The following WRAP73 variants were observed in gnomAD, a reference collection of about 807,000 sequenced individuals.
WRAP73 encodes WD repeat-containing protein WRAP73.
A neutral mutation model predicts 59.6 loss-of-function variants in WRAP73; 55 were observed. That is an observed-to-expected ratio of 0.92 (90% CI 0.74 to 1.15). The LOEUF is 1.15. WRAP73 is among the 50% of genes most tolerant of loss of function. The pLI is 0.00. For synonymous variants in WRAP73, 265 were observed against 258.2 expected (o/e 1.03, Z -0.25); for missense variants, 592 against 608.1 (o/e 0.97, Z 0.28).
intron 8 of WRAP73, chr1:3,634,707 G>A: frequency 2.2e-6 from 1 of 452,316 alleles, no homozygotes; most frequent in Non-Finnish European, 4.1e-6. Context: ...ACTCTGTACA[G>A]CACAGGGATC....
At chr1:3,637,211 G>T in intron 4 of WRAP73, 113 bp from the exon 5 acceptor site, 1 of 927,824 alleles carries the variant, frequency 1.1e-6, no homozygotes, top group Non-Finnish European at 1.7e-6. Flanking sequence ...GTGAAAAGAA[G>T]GGAAATGGCA....
In WRAP73 at chr1:3,639,839, G is replaced by C. The variant is rs564296599; in HGVS notation, c.340-1017C>G. 1.3e-5 allele frequency among the ~76,000 whole-genome samples: 2 copies of C among 151,964 alleles called. No individual in the cohort carries two copies. The highest frequency in any genetic ancestry group is 2.9e-5 in the Non-Finnish European group (2 of 68,002). ...GGGTGGGGTGCTGACTGCCAGCTCC[G>C]TGTGTGTCAGGCAGGGGTCCTCGCT... is the stretch of plus-strand genomic sequence containing the variant. On this transcript the variant is annotated intron_variant, in intron 3 of 11. Coordinates refer to ENST00000270708, the MANE Select transcript of WRAP73 (RefSeq NM_017818.4). This position sits in a 1 kb window ranked among gnomAD's most constrained non-coding sequence, Gnocchi z 4.3.
chr1:3,638,931 A>G, intron 3 of WRAP73, 109 bp from the exon 4 acceptor site: 1 of 1,225,316 alleles, frequency 8.2e-7, no homozygotes, highest in Non-Finnish European at 1.2e-6. Flanking sequence ...TGACTGCTGG[A>G]GTGGATCTAT....
intron 5 of WRAP73, chr1:3,636,351 C>T: frequency 2.7e-6 from 1 of 369,500 alleles, no homozygotes. Flanking sequence ...CGCGCCTGCA[C>T]TCGTGTGCAC....
At chr1:3,634,692 TG>T in intron 8 of WRAP73, 1 of 393,792 alleles carries the variant, frequency 2.5e-6, no homozygotes, top group Non-Finnish European at 4.8e-6. Flanking sequence ...CAGGAGACCC[TG>T]GCCACTCTGT....
Position 3,645,547 on chromosome 1 carries a change from G to A in WRAP73, c.339+1119C>T, listed in dbSNP as rs182202380. Among the ~76,000 whole-genome samples the A allele has an allele frequency of 2.0e-5, 3 of 152,030 alleles. No individual in the cohort carries two copies. The East Asian group carries it at 5.8e-4, about 29-fold the overall frequency. On this transcript the variant is annotated intron_variant, in intron 3 of 11. Transcript: ENST00000270708. ...CGTGGTGTGCGCGGCGCAGCGGGAT[G>A]GGCGGGTTACCGAGGTGCAGCCAGC...
In WRAP73 at chr1:3,647,553, C is replaced by T. The variant is rs1333925593; in HGVS notation, c.77G>A (p.Cys26Tyr). Residue 26 changes from cysteine to tyrosine, a missense_variant, in exon 2 of 12, where the codon TGT becomes TAT. Coordinates refer to ENST00000270708, the MANE Select transcript of WRAP73 (RefSeq NM_017818.4). The part of the protein sequence containing the change: ...FSPDGKYLAS[C>Y]VQYRLVVRDV... The stretch of plus-strand genomic sequence containing the variant: ...CCGGACCACTAACCGGTACTGGACA[C>T]AGGAAGCCTAAAAAATATGAGAAAG... 3.1e-6 allele frequency: 5 copies of T among 1,608,390 alleles called. No homozygotes were observed. The East Asian group carries it at 1.1e-4, about 36-fold the overall frequency.
At chr1:3,633,718 C>T (rs1644562424) in intron 8 of WRAP73, 3 of 525,454 alleles carry the variant, frequency 5.7e-6, no homozygotes, top group Non-Finnish European at 1.0e-5. Flanking sequence ...AGGAGCCCAC[C>T]CTTTGAGACA....
chr1:3,634,894 C>G lies in WRAP73; in HGVS notation c.816+103G>C, dbSNP rs941895866. 5.2e-6 allele frequency: 7 copies of G among 1,348,774 alleles called. No individual in the cohort carries two copies. The South Asian group carries it at 5.9e-5, about 11-fold the overall frequency. The allele number at this position is 1,348,774 out of a possible 1,614,324, so 83.6% of individuals were successfully genotyped here. ...GCAAGTTTACGGTGATGGAAGTGCC[C>G]GGTTAAATAATAAACCACAATCAAG... On this transcript the variant is annotated intron_variant, in intron 8 of 11. Coordinates refer to ENST00000270708, the MANE Select transcript of WRAP73 (RefSeq NM_017818.4).
In WRAP73 at chr1:3,630,821, CCATA is replaced by C. The variant is rs2101949375; in HGVS notation, c.*150_*153del. 3 of 915,760 alleles carry C rather than the reference CCATA, an allele frequency of 3.3e-6. No homozygotes were observed. The highest frequency in any genetic ancestry group is 4.9e-6 in the Non-Finnish European group (3 of 609,844). The allele number at this position is 915,760 out of a possible 1,614,324, so 56.7% of individuals were successfully genotyped here. On this transcript the variant is annotated 3_prime_UTR_variant, in exon 12 of 12. Transcript: ENST00000270708. ...TAAATAATAAAACTACAGTTTTATA[CCATA>C]CATATTTACAAAAATGCTTTGCTAT... is the stretch of plus-strand genomic sequence containing the variant.
chr1:3,632,831 GTCCTGACCCCCA>G (rs1644551479), intron 9 of WRAP73: 1 of 238,704 alleles, frequency 4.2e-6, no homozygotes, highest in Non-Finnish European at 8.3e-6. Context: ...GGCTGCACCT[GTCCTGACCCCCA>G]TCCTGAGCAC....
At chr1:3,640,085 G>T (rs576654048) in intron 3 of WRAP73, among the ~76,000 whole-genome samples, 1 of 152,206 alleles carries the variant, frequency 6.6e-6, no homozygotes, top group South Asian at 2.1e-4. Context: ...CATATACAGC[G>T]TTCAGGAGAG....
chr1:3,641,605 A>AGCACAAGGG (rs1430529735), intron 3 of WRAP73, among the ~76,000 whole-genome samples: 1 of 149,884 alleles, frequency 6.7e-6, no homozygotes, highest in Non-Finnish European at 1.5e-5. Context: ...AGACGGACTG[A>AGCACAAGGG]GCACAAGGGG....
Position 3,650,017 on chromosome 1 carries a change from G to A in WRAP73, c.-18C>T, listed in dbSNP as rs1266074420. 3.2e-6 allele frequency: 5 copies of A among 1,584,322 alleles called. No homozygotes were observed. Among genetic ancestry groups the A allele is most frequent in the Non-Finnish European group, 3.4e-6 (4 of 1,167,798 alleles). On this transcript the variant is annotated 5_prime_UTR_variant, in exon 1 of 12. Transcript: ENST00000270708. ...AAGTTCATGGCCGCCGCCTGCCGCG[G>A]GCGCCACCCTGCGCCCGAAAACCCG...
In WRAP73 at chr1:3,646,338, T is replaced by C. The variant is rs574236432; in HGVS notation, c.339+328A>G. Among the ~76,000 whole-genome samples, 82 of 152,382 alleles carry C rather than the reference T, an allele frequency of 5.4e-4. 1 individual carries two copies. In the South Asian group the frequency reaches 0.016, roughly 30 times the overall value. On this transcript the variant is annotated intron_variant, in intron 3 of 11. Transcript: ENST00000270708. This position sits in a 1 kb window ranked among gnomAD's most constrained non-coding sequence, Gnocchi z 5.1. ...AAGAAAAAATCCTATGCTGAGGTTG[T>C]TGCTCAGATCTTCAGTAAGACCAAA...
chr1:3,646,426 TA>T lies in WRAP73; in HGVS notation c.339+239del, dbSNP rs756052117. Reference sequence around the variant, plus strand: ...CCTTGTTCTATACTATGATTGTTGCTAATCTCTTACTGTATCTAATTTATAA... The same window carrying T: ...CCTTGTTCTATACTATGATTGTTGCTATCTCTTACTGTATCTAATTTATAA... On this transcript the variant is annotated intron_variant, in intron 3 of 11. Transcript: ENST00000270708. The surrounding 1 kb of genome is among the most constrained non-coding windows in gnomAD (Gnocchi z 5.1). Among the ~76,000 whole-genome samples the T allele has an allele frequency of 2.0e-5, 3 of 152,252 alleles. No homozygotes were observed. The highest frequency in any genetic ancestry group is 4.4e-5 in the Non-Finnish European group (3 of 68,042).
intron 3 of WRAP73, among the ~76,000 whole-genome samples, chr1:3,642,254 A>G (rs1644653322): frequency 6.6e-6 from 1 of 152,224 alleles, no homozygotes; most frequent in Non-Finnish European, 1.5e-5. Context: ...AATCTGACAG[A>G]CTACAAGAGC....
intron 3 of WRAP73, among the ~76,000 whole-genome samples, chr1:3,643,124 C>A (rs897134638): frequency 1.3e-5 from 2 of 152,206 alleles, no homozygotes; most frequent in Non-Finnish European, 2.9e-5. Context: ...GACTGAATGG[C>A]GTTCCTCACG....
rs146537124 is a variant in WRAP73 at position 3,637,022 on chromosome 1, G to A, written c.489C>T (p.Phe163=). The change falls in exon 5 of 12, where the codon TTC becomes TTT. Residue 163 remains phenylalanine (F), a synonymous_variant. Transcript: ENST00000270708. ...RRDCKDYVSI[F]VCSDWQLLRH... ...GCAGGAGCTGCCAATCACTGCAGAC[G>A]AAGATGCTCACGTAATCTTTGCAGT... 3.9e-5 allele frequency: 63 copies of A among 1,613,668 alleles called. No individual in the cohort carries two copies. Among genetic ancestry groups the A allele is most frequent in the Middle Eastern group, 3.3e-4 (2 of 6,080 alleles).
Sources: gnomAD v4.1 joint callset for allele counts (sites outside exome capture counted in the v4.1 genomes callset) on GRCh38, gnomAD v4.1.1 for gene constraint, Gnocchi (gnomAD v3.1) non-coding constraint, MANE v1.5 for transcripts, NCBI Gene and HGNC (gene_info 2026-07-23, HGNC 2026-07-21) for gene names.